Variants in TENM3 observed in about 807,000 individuals in gnomAD.
TENM3 encodes the protein teneurin transmembrane protein 3.
In TENM3, 63 loss-of-function variants were observed where a neutral mutation model predicts 255.1. The ratio of observed to expected loss-of-function variants is 0.25; its 90% CI spans 0.20 to 0.30. The LOEUF (loss-of-function observed/expected upper bound fraction) is 0.30, where lower values mean the gene tolerates loss of function less well. TENM3 is among the 10% of genes least tolerant of loss of function. The pLI, the probability that TENM3 is intolerant of heterozygous loss-of-function variation, is 1.00. For synonymous variants in TENM3, 1,306 were observed against 1,322.3 expected (o/e 0.99, Z 0.27); for missense variants, 2,929 against 3,461.1 (o/e 0.85, Z 3.86).
chr4:181,545,806 T>A, the TENM3 span, among the ~76,000 whole-genome samples: 1 of 152,182 alleles, frequency 6.6e-6, no homozygotes, highest in African/African-American at 2.4e-5. Context: ...TAGTCCTAGA[T>A]CATTTCTACT....
intron 22 of TENM3, among the ~76,000 whole-genome samples, chr4:182,758,344 G>C (rs745700180): frequency 3.9e-5 from 6 of 152,126 alleles, no homozygotes; most frequent in Non-Finnish European, 7.3e-5. Flanking sequence ...AGAAAAGGGT[G>C]GGGGGAGGTG....
chr4:182,666,178 A>G (rs897691703), intron 6 of TENM3, among the ~76,000 whole-genome samples: 7 of 152,200 alleles, frequency 4.6e-5, no homozygotes, highest in Non-Finnish European at 1.0e-4. Context: ...CTTATGGATG[A>G]GCAAAGAAAG....
rs1763250653 is a variant in TENM3 at position 182,324,231 on chromosome 4, G to A, written c.211G>A (p.Ala71Thr). The A allele has an allele frequency of 6.2e-7, 1 of 1,613,744 alleles. No individual in the cohort carries two copies. Among genetic ancestry groups the A allele is most frequent in the Non-Finnish European group, 8.5e-7 (1 of 1,179,642 alleles). The stretch of plus-strand genomic sequence containing the variant: ...AGTGAAGGATTTGGTTCACAGAGAA[G>A]CAGACGAGTTCACTAGACAAGGTGG... ...NRVKDLVHRE[A>T]DEFTRQGQNF... The change falls in exon 2 of 28, where the codon GCA becomes ACA. Residue 71 changes from alanine to threonine, a missense_variant. By Grantham distance (58) the Ala-to-Thr change is moderately conservative. This residue lies in a region of TENM3 where 283 missense variants were observed against 256.9 expected (regional missense o/e 1.10). Transcript: ENST00000511685.
chr4:182,671,372 C>T (rs1467330661), intron 6 of TENM3, among the ~76,000 whole-genome samples: 2 of 152,188 alleles, frequency 1.3e-5, no homozygotes, highest in Non-Finnish European at 2.9e-5. Context: ...CAACCTAACA[C>T]CTGTCAAGTT....
At chr4:181,897,015 A>G in the TENM3 span, among the ~76,000 whole-genome samples, 1 of 152,262 alleles carries the variant, frequency 6.6e-6, no homozygotes, top group Non-Finnish European at 1.5e-5. Context: ...TTTGTTGTCC[A>G]TCCTAGCCCT....
At chr4:182,384,939 G>C (rs1197592210) in intron 3 of TENM3, among the ~76,000 whole-genome samples, 3 of 152,066 alleles carry the variant, frequency 2.0e-5, no homozygotes, top group Non-Finnish European at 4.4e-5. Flanking sequence ...ATTTTCTACT[G>C]ACAGAGTTAG....
the TENM3 span, among the ~76,000 whole-genome samples, chr4:181,923,388 A>G: frequency 2.0e-5 from 3 of 152,170 alleles, no homozygotes; most frequent in African/African-American, 7.2e-5. Flanking sequence ...GAGTTTGGAC[A>G]TCATAAAGTC....
At chr4:182,525,069 A>C (rs1739017880) in intron 3 of TENM3, among the ~76,000 whole-genome samples, 4 of 152,070 alleles carry the variant, frequency 2.6e-5, no homozygotes, top group Admixed American at 6.6e-5. Context: ...ATAAAATTTC[A>C]TGTGAGGAAA....
intron 4 of TENM3, 34 bp from the exon 5 acceptor site, chr4:182,628,617 T>G: frequency 7.4e-7 from 1 of 1,349,672 alleles, no homozygotes; most frequent in Middle Eastern, 1.8e-4. Context: ...CGTAACATAT[T>G]TGTATCTTAT....
At chr4:181,872,946 G>T in the TENM3 span, among the ~76,000 whole-genome samples, 4 of 151,610 alleles carry the variant, frequency 2.6e-5, no homozygotes, top group African/African-American at 9.7e-5. Context: ...TTAATTAATT[G>T]CCTTATTCTC....
chr4:181,967,323 T>C, the TENM3 span, among the ~76,000 whole-genome samples: 2 of 152,158 alleles, frequency 1.3e-5, no homozygotes, highest in Admixed American at 1.3e-4. Flanking sequence ...CTTACTCTGC[T>C]GCAAAATGGA....
At chr4:182,137,339 C>CG in the TENM3 span, among the ~76,000 whole-genome samples, 3 of 110,960 alleles carry the variant, frequency 2.7e-5, no homozygotes, top group African/African-American at 9.4e-5. Context: ...CACCTCCCCC[C>CG]CCCCAAAAAG....
At chr4:182,101,106 GGAAGGAAA>G in the TENM3 span, among the ~76,000 whole-genome samples, 22 of 34,676 alleles carry the variant, frequency 6.3e-4, no homozygotes, top group South Asian at 2.7e-3. Context: ...GAGGGAGGGA[GGAAGGAAA>G]GAAGGAAGGA....
intron 13 of TENM3, among the ~76,000 whole-genome samples, chr4:182,723,628 T>G (rs1759921460): frequency 6.6e-6 from 1 of 152,148 alleles, no homozygotes. Context: ...AGACCTGTAG[T>G]CAAGAGTTTT....
the TENM3 span, among the ~76,000 whole-genome samples, chr4:181,644,141 C>T: frequency 6.6e-6 from 1 of 150,912 alleles, no homozygotes; most frequent in African/African-American, 2.4e-5. Flanking sequence ...GACAAAGAGG[C>T]TAGAATTCAA....
At chr4:181,743,469 C>T in the TENM3 span, among the ~76,000 whole-genome samples, 2 of 152,116 alleles carry the variant, frequency 1.3e-5, no homozygotes, top group Admixed American at 6.5e-5. Context: ...GGAAAGTCTT[C>T]CTGAGAAAGT....
At chr4:181,860,520 G>A in the TENM3 span, among the ~76,000 whole-genome samples, 73 of 152,168 alleles carry the variant, frequency 4.8e-4, no homozygotes, top group Non-Finnish European at 9.0e-4. Flanking sequence ...GGTAATAGAG[G>A]ATTTCAGAAA....
chr4:182,307,891 G>A (rs1762226470), intron 1 of TENM3, among the ~76,000 whole-genome samples: 1 of 152,176 alleles, frequency 6.6e-6, no homozygotes, highest in Non-Finnish European at 1.5e-5. Context: ...CACTTGGCAG[G>A]CAGTCAATGG....
intron 1 of TENM3, among the ~76,000 whole-genome samples, chr4:182,315,217 T>G (rs554468339): frequency 1.5e-4 from 23 of 152,208 alleles, no homozygotes; most frequent in Admixed American, 3.3e-4. Flanking sequence ...CACATACCAT[T>G]TTCAAGTGCT....
Sources: gnomAD v4.1 joint callset for allele counts (sites outside exome capture counted in the v4.1 genomes callset) on GRCh38, gnomAD v4.1.1 for gene constraint, gnomAD v4.1.1 regional missense constraint, MANE v1.5 for transcripts, NCBI Gene and HGNC (gene_info 2026-07-23, HGNC 2026-07-21) for gene names.